SAGE1: variants seen among roughly 807,000 people sequenced by gnomAD.
SAGE1 encodes cancer/testis antigen 14.
Under a neutral mutation model 55.4 loss-of-function variants are expected in SAGE1, and 55 were observed. The observed-to-expected ratio is 0.99, with a 90% CI of 0.80 to 1.24. The LOEUF is 1.24. SAGE1 is among the 50% of genes most tolerant of loss of function. The pLI is 0.00. For missense variants in SAGE1, 710 were observed against 704.4 expected (o/e 1.01, Z -0.09); for synonymous variants, 240 against 244.3 (o/e 0.98, Z 0.17).
chrX:135,910,120 T>G lies in SAGE1; in HGVS notation c.1814T>G (p.Phe605Cys), dbSNP rs188785844. The change falls in exon 15 of 20, where the codon TTT (phenylalanine) becomes TGT (cysteine). Residue 605 changes from phenylalanine (F) to cysteine (C), a missense_variant. By Grantham distance (205) the Phe-to-Cys change is radical. Transcript: ENST00000370709. Reference sequence around the variant, plus strand: ...GTCTTCTCGACTGTTCCACCAGCATTTATTAATATGGCAGCAACTGGTGTT... The same window carrying G: ...GTCTTCTCGACTGTTCCACCAGCATGTATTAATATGGCAGCAACTGGTGTT... ...DNVFSTVPPA[F>C]INMAATGVSS... is the part of the protein sequence containing the mutation. The G allele has an allele frequency of 1.2e-4, 144 of 1,205,998 alleles. 1 individual carries two copies. The East Asian group carries it at 3.1e-3, about 26-fold the overall frequency.
chrX:135,911,387 T>C, intron 17 of SAGE1, 55 bp downstream of exon 17: 1 of 1,120,161 alleles, frequency 8.9e-7, no homozygotes, highest in South Asian at 1.9e-5. Flanking sequence ...GCATGCATAG[T>C]GTCCTGCAGG....
Position 135,905,301 on chromosome X carries a change from A to G in SAGE1, c.363A>G (p.Gln121=), listed in dbSNP as rs150013472. The G allele has an allele frequency of 7.8e-4, 944 of 1,206,461 alleles. 3 individuals are homozygous for G. In the African/African-American group the frequency reaches 9.5e-3, roughly 12 times the overall value. Residue 121 remains glutamine (Q), a synonymous_variant, in exon 5 of 20, where the codon CAA becomes CAG. Transcript: ENST00000370709. ...GTGAAGAGAGGATGGAAAATGGCCA[A>G]TCTCGAACTGACAAAGTCTTGTCAA... The part of the protein sequence containing the change: ...NIREERMENG[Q]SRTDKVLSTA...
chrX:135,912,515 C>T, intron 19 of SAGE1, 101 bp downstream of exon 19: 1 of 1,173,299 alleles, frequency 8.5e-7, no homozygotes, highest in South Asian at 2.0e-5. Context: ...ATCCCTGGCC[C>T]TCAATCATAG....
chrX:135,896,779 C>T (rs1556594139), intron 2 of SAGE1, among the ~76,000 whole-genome samples: 1 of 110,328 alleles, frequency 9.1e-6, no homozygotes, highest in Admixed American at 9.7e-5. Flanking sequence ...AGGCTGCTCT[C>T]GAACTCCCGA....
At position 135,912,081 on chromosome X, in the gene SAGE1, GCTTTA is replaced by G. The variant is rs782413262; in HGVS notation, c.2521+134_2521+138del. The G allele has an allele frequency of 3.8e-4, 423 of 1,108,515 alleles. 3 individuals carry two copies. The African/African-American group carries it at 7.0e-3, about 18-fold the overall frequency. 91.4% of individuals were successfully genotyped at this position (1,108,515 alleles called of 1,213,427 possible). ...TTGGATCTATATATAATTTAGCATG[GCTTTA>G]CTTTAATTTCACTGAAAATTGCTAA... is the stretch of plus-strand genomic sequence containing the variant. On this transcript the variant is annotated intron_variant, in intron 18 of 19. Transcript: ENST00000370709.
chrX:135,906,606 T>C, intron 7 of SAGE1, 55 bp downstream of exon 7: 1 of 776,278 alleles, frequency 1.3e-6, no homozygotes, highest in Non-Finnish European at 1.9e-6. Flanking sequence ...GCATGCATAG[T>C]GTCAAAAAGC....
chrX:135,894,841 T>C (rs2088559267), intron 1 of SAGE1, among the ~76,000 whole-genome samples: 1 of 111,417 alleles, frequency 9.0e-6, no homozygotes, highest in Non-Finnish European at 1.9e-5. Context: ...TTCGGTGTGC[T>C]GAAACCAAAC....
rs782752350 is a variant in SAGE1, at chrX:135,896,263, A to G, written c.21A>G (p.Gln7=). The change falls in exon 2 of 20, where the codon CAA becomes CAG. Residue 7 remains glutamine, a synonymous_variant. Coordinates refer to ENST00000370709, the MANE Select transcript of SAGE1 (RefSeq NM_001381902.1). MQASPL[Q]TSQPTPPEEL... ...TGCAGATGCAGGCTTCTCCACTTCA[A>G]ACGAGTCAACCAACTCCACCTGAAG... 3 of 1,203,762 alleles carry G rather than the reference A, an allele frequency of 2.5e-6. No individual in the cohort carries two copies. The highest frequency in any genetic ancestry group is 3.4e-6 in the Non-Finnish European group (3 of 889,389).
chrX:135,912,787 T>C lies in SAGE1; in HGVS notation c.2616-11T>C. 8.3e-7 allele frequency: 1 copy of C among 1,207,020 alleles called. No individual in the cohort carries two copies. The highest frequency in any genetic ancestry group is 1.1e-6 in the Non-Finnish European group (1 of 891,779). ...TATCCTCTGGTGAATGGAATACCTC[T>C]TTAATTTCAGGTTTAAAAAAGTTGT... On this transcript the variant is annotated splice_polypyrimidine_tract_variant and intron_variant, in intron 19 of 19. Transcript: ENST00000370709.
In SAGE1 at chrX:135,897,687, G is replaced by A. The variant is rs190810713; in HGVS notation, c.87+1358G>A. ...TTTATTTCTTCAACTTTTACTTTAA[G>A]TCCTGGGGTACATGTGCAGGATGTG... On this transcript the variant is annotated intron_variant, in intron 2 of 19. Coordinates refer to ENST00000370709, the MANE Select transcript of SAGE1 (RefSeq NM_001381902.1). 2.9e-3 allele frequency among the ~76,000 whole-genome samples: 328 copies of A among 111,807 alleles called. 3 individuals are homozygous for A. Among genetic ancestry groups the A allele is most frequent in the African/African-American group, 0.01 (317 of 30,778 alleles).
At chrX:135,903,343 C>T (rs2088715020) in intron 3 of SAGE1, among the ~76,000 whole-genome samples, 1 of 112,756 alleles carries the variant, frequency 8.9e-6, no homozygotes, top group Non-Finnish European at 1.9e-5. Context: ...CTGTGGACTG[C>T]TTTTCCAACA....
chrX:135,898,990 T>C lies in SAGE1; in HGVS notation c.88-2569T>C, dbSNP rs569639997. ...TTTATTTTGCTATGCATATGCTCTT[T>C]AGTTTAATTAGATCCCATTTGTCAA... On this transcript the variant is annotated intron_variant, in intron 2 of 19. Transcript: ENST00000370709. Among the ~76,000 whole-genome samples, 15 of 112,524 alleles carry C rather than the reference T, an allele frequency of 1.3e-4. 1 individual carries two copies. In the South Asian group the frequency reaches 5.5e-3, roughly 41 times the overall value.
chrX:135,907,269 A>G (rs1556602246), intron 8 of SAGE1, 44 bp from the exon 9 acceptor site: 3 of 1,183,376 alleles, frequency 2.5e-6, no homozygotes, highest in Admixed American at 2.2e-5. Context: ...TGGGGCTGAC[A>G]TAATGCACTT....
chrX:135,908,924 A>G lies in SAGE1; in HGVS notation c.1502A>G (p.Asp501Gly). The change falls in exon 13 of 20, where the codon GAT becomes GGT. Residue 501 changes from aspartate (D) to glycine (G), a missense_variant. Asp to Gly is a moderately conservative substitution (Grantham distance 94, BLOSUM62 -1). Transcript: ENST00000370709. ...EKMESGKPQT[D>G]KVISNDAPQL... ...ATGGAAAGTGGCAAACCCCAAACTG[A>G]TAAGGTCATATCAAATGATGCACCA... is the stretch of plus-strand genomic sequence containing the variant. The G allele has an allele frequency of 2.5e-6, 3 of 1,208,484 alleles. No individual in the cohort carries two copies. Among genetic ancestry groups the G allele is most frequent in the Non-Finnish European group, 2.2e-6 (2 of 892,869 alleles).
intron 8 of SAGE1, 70 bp downstream of exon 8, chrX:135,907,136 A>T (rs1429122478): frequency 3.6e-5 from 40 of 1,109,962 alleles, no homozygotes; most frequent in Non-Finnish European, 4.6e-5. Context: ...TGAAGGGGAG[A>T]TGGAGGTTTT....
At chrX:135,906,256 G>A (rs1356167244) in intron 6 of SAGE1, 92 bp downstream of exon 6, 16 of 1,075,921 alleles carry the variant, frequency 1.5e-5, no homozygotes, top group African/African-American at 5.6e-5. Flanking sequence ...TTGTGTTATC[G>A]TTTCTGGCCT....
Position 135,911,943 on chromosome X carries a change from G to A in SAGE1, c.2511G>A (p.Arg837=), listed in dbSNP as rs782479549. 7 of 1,209,270 alleles carry A rather than the reference G, an allele frequency of 5.8e-6. No individual in the cohort carries two copies. In the Admixed American group the frequency reaches 1.3e-4, roughly 23 times the overall value. Reference sequence around the variant, plus strand: ...ATCAATTAATGAAAGAAGTTCGAAGGTTTGGGCAAAGTAAGTACTGCAAGA... The same window carrying A: ...ATCAATTAATGAAAGAAGTTCGAAGATTTGGGCAAAGTAAGTACTGCAAGA... The part of the protein sequence containing the change: ...IKYQLMKEVR[R]FGQNYERIFI... Residue 837 remains arginine (R), a synonymous_variant, in exon 18 of 20, where the codon AGG becomes AGA. Transcript: ENST00000370709.
rs2088825324 is a variant in SAGE1 at position 135,907,915 on chromosome X, C to T, written c.1159+74C>T. On this transcript the variant is annotated intron_variant, in intron 10 of 19. Coordinates refer to ENST00000370709, the MANE Select transcript of SAGE1 (RefSeq NM_001381902.1). ...GCATATTGTCATCAAGGGAAGAAGA[C>T]GGTATTGTTGTATTATGTTTTCTGG... 4 of 1,105,652 alleles carry T rather than the reference C, an allele frequency of 3.6e-6. No individual in the cohort carries two copies. In the East Asian group the frequency reaches 9.0e-5, roughly 25 times the overall value. The allele number at this position is 1,105,652 out of a possible 1,213,427, so 91.1% of individuals were successfully genotyped here.
At chrX:135,894,996 G>GTTTC (rs2088561531) in intron 1 of SAGE1, among the ~76,000 whole-genome samples, 1 of 110,443 alleles carries the variant, frequency 9.1e-6, no homozygotes, top group African/African-American at 3.3e-5. Flanking sequence ...AAGTTTGTTT[G>GTTTC]TTTGTTTGTT....
Sources: gnomAD v4.1 joint callset for allele counts (sites outside exome capture counted in the v4.1 genomes callset) on GRCh38, gnomAD v4.1.1 for gene constraint, MANE v1.5 for transcripts, NCBI Gene and HGNC (gene_info 2026-07-23, HGNC 2026-07-21) for gene names.